PAK6: variants seen among roughly 807,000 people sequenced by gnomAD.
PAK6 encodes the protein serine/threonine-protein kinase PAK 6.
Under a neutral mutation model 60.8 loss-of-function variants are expected in PAK6, and 33 were observed. The observed-to-expected ratio is 0.54, with a 90% CI of 0.41 to 0.73. The LOEUF (loss-of-function observed/expected upper bound fraction) is 0.73. Among genes scored for constraint, PAK6 ranks in the 30% least tolerant of loss-of-function variants. The pLI, the probability that PAK6 is intolerant of heterozygous loss-of-function variation, is 0.00. For missense variants in PAK6, 845 were observed against 904.1 expected, an observed-to-expected ratio of 0.93 and a Z score of 0.84; for synonymous variants, 404 against 378.5, an observed-to-expected ratio of 1.07 and a Z score of -0.78.
chr15:40,253,798 T>C (rs1396025726), intron 3 of PAK6, among the ~76,000 whole-genome samples: 5 of 151,830 alleles, frequency 3.3e-5, no homozygotes, highest in Middle Eastern at 3.2e-3. Flanking sequence ...CGATCTGGAG[T>C]GTAGGTGCTG....
chr15:40,273,294 C>T (rs765733851), intron 7 of PAK6, 52 bp from the exon 8 acceptor site: 46 of 1,592,340 alleles, frequency 2.9e-5, no homozygotes, highest in Non-Finnish European at 3.9e-5. Context: ...CACCCCACGA[C>T]CTGCCAGAGC....
At chr15:40,254,018 A>T (rs531188494) in intron 3 of PAK6, among the ~76,000 whole-genome samples, 5 of 152,274 alleles carry the variant, frequency 3.3e-5, no homozygotes, top group African/African-American at 1.2e-4. Flanking sequence ...GCCTGGTTCC[A>T]TGCAAGGTGA....
chr15:40,261,782 T>A (rs1174156860), intron 3 of PAK6, among the ~76,000 whole-genome samples: 1 of 152,136 alleles, frequency 6.6e-6, no homozygotes, highest in African/African-American at 2.4e-5. Flanking sequence ...CCCCAAAGCC[T>A]GAGCTCAGCT....
intron 2 of PAK6, chr15:40,252,361 G>T (rs1595572705): frequency 7.7e-7 from 1 of 1,306,522 alleles, no homozygotes. Context: ...CCGCGGCTGT[G>T]GCCAGGCCAG....
intron 2 of PAK6, chr15:40,251,861 T>C (rs1329918693): frequency 1.3e-5 from 2 of 153,192 alleles, no homozygotes; most frequent in Admixed American, 1.3e-4. Context: ...CCCCTTGGAA[T>C]GGCCATTCTG....
chr15:40,273,011 G>T lies in PAK6; in HGVS notation c.1490+12G>T. 6.2e-7 allele frequency: 1 copy of T among 1,612,912 alleles called. No individual in the cohort carries two copies. The highest frequency in any genetic ancestry group is 1.1e-5 in the South Asian group (1 of 91,042). On this transcript the variant is annotated intron_variant, in intron 7 of 10. Transcript: ENST00000560346. ...GTCTCCCAAGTCAGGTGGGCAGCTG[G>T]GAGGGCTGGACCCTGAGTGCAGGCT...
intron 3 of PAK6, among the ~76,000 whole-genome samples, chr15:40,256,599 T>G (rs2038840564): frequency 6.6e-6 from 1 of 152,156 alleles, no homozygotes; most frequent in Non-Finnish European, 1.5e-5. Flanking sequence ...CAGAGTGTCT[T>G]GGATGGGCCT....
At chr15:40,273,883 C>G (rs2039378472) in intron 9 of PAK6, 1 of 699,302 alleles carries the variant, frequency 1.4e-6, no homozygotes, top group Non-Finnish European at 2.4e-6. Context: ...TTCCTCAGCT[C>G]AAGGGCAGAA....
chr15:40,250,053 G>A (rs770223344), intron 2 of PAK6, among the ~76,000 whole-genome samples: 6 of 152,232 alleles, frequency 3.9e-5, no homozygotes, highest in East Asian at 1.9e-4. Flanking sequence ...TGCTCAGCAC[G>A]GCAACCTGGG....
chr15:40,259,779 G>A (rs58071100), intron 3 of PAK6: 7 of 89,214 alleles, frequency 7.8e-5, no homozygotes, highest in Admixed American at 1.8e-4. Flanking sequence ...AGAGTGAAAC[G>A]CTGTCTCAAA....
chr15:40,261,389 T>C (rs1200206860), intron 3 of PAK6, among the ~76,000 whole-genome samples: 1 of 151,694 alleles, frequency 6.6e-6, no homozygotes, highest in African/African-American at 2.4e-5. Flanking sequence ...ATACAAAAAT[T>C]AGCTGGGCGT....
At chr15:40,255,818 G>A (rs536491134) in intron 3 of PAK6, among the ~76,000 whole-genome samples, 12 of 152,202 alleles carry the variant, frequency 7.9e-5, no homozygotes, top group South Asian at 2.1e-4. Context: ...AGCAGAGTGC[G>A]GGCAGCCTCC....
At chr15:40,242,870 C>A (rs1420049595) in intron 2 of PAK6, among the ~76,000 whole-genome samples, 1 of 152,180 alleles carries the variant, frequency 6.6e-6, no homozygotes, top group Non-Finnish European at 1.5e-5. Context: ...CAGATGACAG[C>A]CATGGCCTGA....
chr15:40,260,950 C>G (rs1252626778), intron 3 of PAK6, among the ~76,000 whole-genome samples: 1 of 151,520 alleles, frequency 6.6e-6, no homozygotes, highest in Non-Finnish European at 1.5e-5. Context: ...ATGCAGTGGC[C>G]TGATCTCAGC....
chr15:40,254,861 G>T (rs1595577204), intron 3 of PAK6, among the ~76,000 whole-genome samples: 2 of 152,304 alleles, frequency 1.3e-5, no homozygotes, highest in East Asian at 3.9e-4. Flanking sequence ...TATCCATGTG[G>T]TGGGCACTTT....
At chr15:40,273,287 C>T in intron 7 of PAK6, 59 bp from the exon 8 acceptor site, 1 of 1,584,604 alleles carries the variant, frequency 6.3e-7, no homozygotes, top group Non-Finnish European at 8.6e-7. Flanking sequence ...GCTCAGCCAC[C>T]CCACGACCTG....
intron 5 of PAK6, among the ~76,000 whole-genome samples, chr15:40,270,923 G>A (rs1443430030): frequency 6.6e-6 from 1 of 152,194 alleles, no homozygotes; most frequent in Non-Finnish European, 1.5e-5. Context: ...AGTGAGGGTT[G>A]CCAAAGACAC....
intron 2 of PAK6, chr15:40,252,883 G>C: frequency 6.5e-6 from 8 of 1,229,576 alleles, no homozygotes; most frequent in South Asian, 1.4e-5. Flanking sequence ...GCCCGGCGCG[G>C]GGCATTCGCG....
At chr15:40,250,989 T>C (rs1199234015) in intron 2 of PAK6, 2 of 152,604 alleles carry the variant, frequency 1.3e-5, no homozygotes, top group East Asian at 3.9e-4. Context: ...CATTCTGGTA[T>C]CACCTGGTCC....
Sources: allele counts gnomAD v4.1 joint callset (sites outside exome capture counted in the v4.1 genomes callset), GRCh38; gene constraint gnomAD v4.1.1; transcripts MANE v1.5; gene names NCBI Gene and HGNC (gene_info 2026-07-23, HGNC 2026-07-21).